The following RALGAPA2 variants were observed in gnomAD, a reference collection of about 807,000 sequenced individuals.
The protein encoded by RALGAPA2 is Ral GTPase activating protein catalytic subunit alpha 2, also known as ral GTPase-activating protein subunit alpha-2.
Under a neutral mutation model 230.4 loss-of-function variants are expected in RALGAPA2, and 139 were observed. The ratio of observed to expected loss-of-function variants is 0.60; its 90% CI spans 0.53 to 0.69. RALGAPA2 has a LOEUF of 0.69. RALGAPA2 is among the 30% of genes least tolerant of loss of function. RALGAPA2 has a pLI of 0.00. For synonymous variants in RALGAPA2, 847 were observed against 837.8 expected, an observed-to-expected ratio of 1.01 and a Z score of -0.19; for missense variants, 2,163 against 2,276.0, an observed-to-expected ratio of 0.95 and a Z score of 1.01.
intron 36 of RALGAPA2, among the ~76,000 whole-genome samples, chr20:20,483,611 GAT>G (rs1350885225): frequency 6.6e-6 from 1 of 152,172 alleles, no homozygotes; most frequent in Admixed American, 6.5e-5. Context: ...TTCTCTTGGT[GAT>G]CTGCCAATAA....
intron 3 of RALGAPA2, among the ~76,000 whole-genome samples, chr20:20,667,415 C>A (rs1486371321): frequency 6.6e-6 from 1 of 152,228 alleles, no homozygotes; most frequent in Non-Finnish European, 1.5e-5. Context: ...TACACCCAGA[C>A]TGTGCACATG....
chr20:20,613,334 T>C (rs2146297500), intron 13 of RALGAPA2, among the ~76,000 whole-genome samples: 1 of 152,338 alleles, frequency 6.6e-6, no homozygotes, highest in Non-Finnish European at 1.5e-5. Context: ...TTCTTCATTA[T>C]TTTCCTGATC....
intron 4 of RALGAPA2, among the ~76,000 whole-genome samples, chr20:20,653,228 C>T (rs1362623493): frequency 8.6e-6 from 1 of 116,364 alleles, no homozygotes; most frequent in East Asian, 3.2e-4. Context: ...AAAAAAAATA[C>T]ACACTACTGT....
intron 23 of RALGAPA2, among the ~76,000 whole-genome samples, chr20:20,548,697 G>A (rs2063840279): frequency 6.6e-6 from 1 of 152,210 alleles, no homozygotes; most frequent in Admixed American, 6.5e-5. Flanking sequence ...GATGGATGCT[G>A]CAGTTTAGAA....
At chr20:20,604,241 T>C (rs1055092520) in intron 15 of RALGAPA2, among the ~76,000 whole-genome samples, 1 of 152,236 alleles carries the variant, frequency 6.6e-6, no homozygotes, top group African/African-American at 2.4e-5. Flanking sequence ...TAAGGTGTAG[T>C]ACAAGTGAAT....
chr20:20,460,768 T>C (rs566479610), intron 37 of RALGAPA2, among the ~76,000 whole-genome samples: 153 of 152,318 alleles, frequency 1.0e-3, no homozygotes, highest in Non-Finnish European at 1.9e-3. Context: ...TGCACACATA[T>C]GGGCATACCA....
chr20:20,421,072 G>C (rs1266849405), intron 37 of RALGAPA2, among the ~76,000 whole-genome samples: 1 of 152,154 alleles, frequency 6.6e-6, no homozygotes, highest in African/African-American at 2.4e-5. Flanking sequence ...TAAGGATCTT[G>C]TATCTCAAAT....
At chr20:20,705,292 G>A (rs1011726547) in intron 1 of RALGAPA2, among the ~76,000 whole-genome samples, 1 of 152,032 alleles carries the variant, frequency 6.6e-6, no homozygotes, top group Non-Finnish European at 1.5e-5. Context: ...CTGTAGCCTT[G>A]ACCTTCTGGG....
intron 23 of RALGAPA2, among the ~76,000 whole-genome samples, chr20:20,567,525 G>A (rs919141886): frequency 1.3e-5 from 2 of 152,166 alleles, no homozygotes; most frequent in African/African-American, 4.8e-5. Context: ...AAAATAAAAC[G>A]GAAGGGAGAA....
chr20:20,559,957 T>G (rs1383840882), intron 23 of RALGAPA2, among the ~76,000 whole-genome samples: 1 of 152,356 alleles, frequency 6.6e-6, no homozygotes, highest in South Asian at 2.1e-4. Flanking sequence ...CAACAGTTAT[T>G]CATGATCTTA....
intron 13 of RALGAPA2, among the ~76,000 whole-genome samples, chr20:20,615,201 T>G (rs1440734409): frequency 6.6e-6 from 1 of 151,114 alleles, no homozygotes; most frequent in Admixed American, 6.6e-5. Context: ...AGTCTCACTC[T>G]GTCGCCCAGG....
intron 24 of RALGAPA2, among the ~76,000 whole-genome samples, chr20:20,540,769 T>C (rs537123998): frequency 1.4e-3 from 216 of 152,086 alleles, no homozygotes; most frequent in African/African-American, 5.1e-3. Context: ...TTTACTAAAG[T>C]ATAATTAATA....
rs138434822 is a variant in RALGAPA2, at chr20:20,626,481, C to G, written c.1233+2882G>C. Among the ~76,000 whole-genome samples the G allele has an allele frequency of 7.2e-3, 1,100 of 152,248 alleles. 10 individuals carry two copies. Among genetic ancestry groups the G allele is most frequent in the African/African-American group, 0.025 (1,056 of 41,552 alleles). On this transcript the variant is annotated intron_variant, in intron 10 of 39. Coordinates refer to ENST00000202677, the MANE Select transcript of RALGAPA2 (RefSeq NM_020343.4). ...TGTAGTCTATAGTCACCTCAATGAT[C>G]AAAACTACTTCAAAATTGAATTTAG...
chr20:20,702,064 G>A (rs1275681693), intron 1 of RALGAPA2, among the ~76,000 whole-genome samples: 1 of 150,858 alleles, frequency 6.6e-6, no homozygotes, highest in Non-Finnish European at 1.5e-5. Context: ...AAGAAAGAAA[G>A]AAAGAAAAGA....
intron 38 of RALGAPA2, among the ~76,000 whole-genome samples, chr20:20,408,995 T>C (rs2060004403): frequency 6.6e-6 from 1 of 152,122 alleles, no homozygotes; most frequent in South Asian, 2.1e-4. Context: ...ATTAGGAAAA[T>C]AGATTTTGTT....
rs75888672 is a variant in RALGAPA2, at chr20:20,700,652, T to C, written c.106+11723A>G. ...CTTGCCAACAGCTCTCCAGCATTACTGCCCCTCTTTCCCCCGAACCCCATC... is the reference window on the plus strand; with the variant it reads ...CTTGCCAACAGCTCTCCAGCATTACCGCCCCTCTTTCCCCCGAACCCCATC... On this transcript the variant is annotated intron_variant, in intron 1 of 39. Transcript: ENST00000202677. Among the ~76,000 whole-genome samples, 1,056 of 152,310 alleles carry C rather than the reference T, an allele frequency of 6.9e-3. 12 individuals carry two copies. The highest frequency in any genetic ancestry group is 0.024 in the African/African-American group (999 of 41,550).
intron 37 of RALGAPA2, 44 bp from the exon 38 acceptor site, chr20:20,412,192 A>C: frequency 6.2e-7 from 1 of 1,607,614 alleles, no homozygotes; most frequent in South Asian, 1.1e-5. Context: ...GCAAAGTGGC[A>C]TGCAGAGCAG....
At chr20:20,422,563 C>A (rs919138103) in intron 37 of RALGAPA2, among the ~76,000 whole-genome samples, 6 of 151,902 alleles carry the variant, frequency 3.9e-5, no homozygotes, top group Non-Finnish European at 8.8e-5. Flanking sequence ...AGAATGAGAC[C>A]CTGTCTCAAA....
At chr20:20,593,171 G>A (rs888219101) in intron 16 of RALGAPA2, among the ~76,000 whole-genome samples, 1 of 152,234 alleles carries the variant, frequency 6.6e-6, no homozygotes. Flanking sequence ...CCAAAGTGCT[G>A]GGATTGCAGG....
Sources: allele counts gnomAD v4.1 joint callset (sites outside exome capture counted in the v4.1 genomes callset), GRCh38; gene constraint gnomAD v4.1.1; transcripts MANE v1.5; gene names NCBI Gene and HGNC (gene_info 2026-07-23, HGNC 2026-07-21).